Variants in PPP1R3A observed in about 807,000 individuals in gnomAD.
PPP1R3A encodes the protein RG1.
Under a neutral mutation model 41.7 loss-of-function variants are expected in PPP1R3A, and 29 were observed. That is an observed-to-expected ratio of 0.70 (90% CI 0.52 to 0.95). The LOEUF is 0.95. Ranked by LOEUF, PPP1R3A falls within the 40% of genes least tolerant of loss-of-function variation. PPP1R3A has a pLI of 0.00. For missense variants in PPP1R3A, 1,352 were observed against 1,292.4 expected (o/e 1.05, Z -0.71); for synonymous variants, 485 against 453.4 (o/e 1.07, Z -0.89).
intron 1 of PPP1R3A, among the ~76,000 whole-genome samples, chr7:113,909,466 A>G (rs548615519): frequency 1.5e-4 from 23 of 150,180 alleles, no homozygotes; most frequent in Non-Finnish European, 2.7e-4. Flanking sequence ...TCAAACAAAG[A>G]AGGCAGGGCT....
intron 1 of PPP1R3A, among the ~76,000 whole-genome samples, chr7:113,892,866 C>T (rs1328322411): frequency 6.6e-6 from 1 of 152,010 alleles, no homozygotes; most frequent in African/African-American, 2.4e-5. Flanking sequence ...AATCTGGGGA[C>T]TAATAACTGA....
In PPP1R3A at chr7:113,878,452, T is replaced by A. The variant is rs115322623; in HGVS notation, c.2640A>T (p.Arg880Ser). The A allele has an allele frequency of 3.2e-4, 509 of 1,612,648 alleles. 2 individuals carry two copies. The African/African-American group carries it at 6.3e-3, about 20-fold the overall frequency. The stretch of plus-strand genomic sequence containing the variant: ...ATAATTCTTGAACCTGCCTAAGATC[T>A]CTGTTTTCTGAAAATACAGTTTTGT... ...PTDKTVFSENRDLRQVQELSK... is the reference protein window; with the variant it reads ...PTDKTVFSENSDLRQVQELSK... The change falls in exon 4 of 4, where the codon AGA becomes AGT. Residue 880 changes from arginine to serine, a missense_variant. Coordinates refer to ENST00000284601, the MANE Select transcript of PPP1R3A (RefSeq NM_002711.4).
chr7:113,880,881 C>A (rs1796680846), intron 3 of PPP1R3A, among the ~76,000 whole-genome samples: 1 of 151,996 alleles, frequency 6.6e-6, no homozygotes, highest in South Asian at 2.1e-4. Flanking sequence ...GTATTTCCAT[C>A]TATTATAGAG....
chr7:113,916,470 A>G (rs979488358), intron 1 of PPP1R3A, among the ~76,000 whole-genome samples: 1 of 152,112 alleles, frequency 6.6e-6, no homozygotes, highest in African/African-American at 2.4e-5. Context: ...TTGCCTTGGT[A>G]TCAGTCAAGT....
intron 1 of PPP1R3A, among the ~76,000 whole-genome samples, chr7:113,911,829 G>T (rs1797257057): frequency 6.6e-6 from 1 of 151,990 alleles, no homozygotes. Context: ...TTAATCTTGG[G>T]CACAGTACTA....
At chr7:113,909,577 C>G (rs1052422475) in intron 1 of PPP1R3A, among the ~76,000 whole-genome samples, 2 of 151,982 alleles carry the variant, frequency 1.3e-5, no homozygotes, top group Non-Finnish European at 2.9e-5. Flanking sequence ...TCATTCACCC[C>G]TTATGAGAAT....
At chr7:113,908,879 T>C (rs541811985) in intron 1 of PPP1R3A, among the ~76,000 whole-genome samples, 8 of 152,012 alleles carry the variant, frequency 5.3e-5, no homozygotes, top group African/African-American at 1.9e-4. Context: ...CTAAGTGAAT[T>C]AACATAGAAA....
chr7:113,917,713 A>G (rs1016045041), intron 1 of PPP1R3A, among the ~76,000 whole-genome samples: 5 of 152,078 alleles, frequency 3.3e-5, no homozygotes, highest in African/African-American at 1.2e-4. Flanking sequence ...GTATCACTTC[A>G]AACATCCCTG....
Position 113,878,603 on chromosome 7 carries a change from T to C in PPP1R3A, c.2489A>G (p.Lys830Arg). 2 of 1,613,576 alleles carry C rather than the reference T, an allele frequency of 1.2e-6. No homozygotes were observed. Among genetic ancestry groups the C allele is most frequent in the Non-Finnish European group, 1.7e-6 (2 of 1,179,696 alleles). ...EETMSMYNPR[K>R]THDREKCGTG... ...GCCACATTTCTCCCTGTCATGTGTCTTCCTAGGATTGTACATAGACATGGT... is the reference window on the plus strand; with the variant it reads ...GCCACATTTCTCCCTGTCATGTGTCCTCCTAGGATTGTACATAGACATGGT... Residue 830 changes from lysine to arginine, a missense_variant, in exon 4 of 4, where the codon AAG (lysine) becomes AGG (arginine). Physicochemically the swap from Lys to Arg is conservative, Grantham distance 26. Coordinates refer to ENST00000284601, the MANE Select transcript of PPP1R3A (RefSeq NM_002711.4).
At chr7:113,885,369 T>C (rs558803554) in intron 1 of PPP1R3A, among the ~76,000 whole-genome samples, 1 of 152,160 alleles carries the variant, frequency 6.6e-6, no homozygotes, top group Non-Finnish European at 1.5e-5. Context: ...TGTACATTGC[T>C]GGTGGGAGAA....
chr7:113,898,560 CA>C (rs1797012703), intron 1 of PPP1R3A, among the ~76,000 whole-genome samples: 2 of 151,696 alleles, frequency 1.3e-5, no homozygotes, highest in Non-Finnish European at 2.9e-5. Flanking sequence ...TCTCTTTGAC[CA>C]AACTCTAGCC....
At position 113,878,884 on chromosome 7, in the gene PPP1R3A, T is replaced by A. The variant is rs909645644; in HGVS notation, c.2208A>T (p.Thr736=). ...EAGTAYIIKT[T]SESTPESMSA... Reference sequence around the variant, plus strand: ...ACATGCTTTCTGGAGTACTTTCTGATGTTGTCTTAATTATATAGGCTGTAC... The same window carrying A: ...ACATGCTTTCTGGAGTACTTTCTGAAGTTGTCTTAATTATATAGGCTGTAC... Residue 736 remains threonine, a synonymous_variant, in exon 4 of 4, where the codon ACA becomes ACT. Coordinates refer to ENST00000284601, the MANE Select transcript of PPP1R3A (RefSeq NM_002711.4). 3.7e-6 allele frequency: 6 copies of A among 1,613,036 alleles called. No individual in the cohort carries two copies. The highest frequency in any genetic ancestry group is 5.1e-6 in the Non-Finnish European group (6 of 1,179,774).
chr7:113,905,263 T>C (rs1797126536), intron 1 of PPP1R3A, among the ~76,000 whole-genome samples: 1 of 151,798 alleles, frequency 6.6e-6, no homozygotes, highest in Admixed American at 6.6e-5. Flanking sequence ...AAAAATATTA[T>C]AATTTTAAGA....
chr7:113,915,111 C>G (rs1021959261), intron 1 of PPP1R3A, among the ~76,000 whole-genome samples: 1 of 152,042 alleles, frequency 6.6e-6, no homozygotes, highest in Non-Finnish European at 1.5e-5. Flanking sequence ...AATCACATGC[C>G]TATGAGTTAC....
chr7:113,878,404 G>T lies in PPP1R3A; in HGVS notation c.2688C>A (p.Ala896=), dbSNP rs1796610265. The change falls in exon 4 of 4, where the codon GCC becomes GCA. Residue 896 remains alanine (A), a synonymous_variant. Transcript: ENST00000284601. ...CTGAGTTAAAAGCAGAATGCACAAT[G>T]GCATCCGAGTCTGTTTTCTTTGATA... ...QELSKKTDSD[A]IVHSAFNSDT... 6.2e-7 allele frequency: 1 copy of T among 1,611,544 alleles called. No individual in the cohort carries two copies. The highest frequency in any genetic ancestry group is 8.5e-7 in the Non-Finnish European group (1 of 1,179,658).
intron 1 of PPP1R3A, among the ~76,000 whole-genome samples, chr7:113,903,136 A>C (rs1158488062): frequency 6.6e-6 from 1 of 151,760 alleles, no homozygotes; most frequent in Non-Finnish European, 1.5e-5. Context: ...ATATCCATCT[A>C]AGAGGATAAA....
intron 3 of PPP1R3A, among the ~76,000 whole-genome samples, chr7:113,881,097 T>C (rs544098551): frequency 6.6e-6 from 1 of 152,110 alleles, no homozygotes; most frequent in East Asian, 1.9e-4. Flanking sequence ...AAAATGGCCA[T>C]GTTAACTTTC....
At chr7:113,883,888 C>T (rs911077299) in intron 1 of PPP1R3A, among the ~76,000 whole-genome samples, 4 of 151,790 alleles carry the variant, frequency 2.6e-5, no homozygotes, top group African/African-American at 7.2e-5. Flanking sequence ...AAAAAATGAT[C>T]GAGTCAAAAG....
At chr7:113,882,656 A>G (rs1254196958) in intron 1 of PPP1R3A, among the ~76,000 whole-genome samples, 2 of 151,980 alleles carry the variant, frequency 1.3e-5, no homozygotes, top group Admixed American at 1.3e-4. Context: ...TCTTCAATGA[A>G]TTTCATCTTT....
Sources: allele counts gnomAD v4.1 joint callset (sites outside exome capture counted in the v4.1 genomes callset), GRCh38; gene constraint gnomAD v4.1.1; transcripts MANE v1.5; gene names NCBI Gene and HGNC (gene_info 2026-07-23, HGNC 2026-07-21).